SNTB1: variants seen among roughly 807,000 people sequenced by gnomAD.
SNTB1 encodes beta-1-syntrophin.
Under a neutral mutation model 48.9 loss-of-function variants are expected in SNTB1, and 36 were observed. The observed-to-expected ratio is 0.74, with a 90% CI of 0.56 to 0.97. SNTB1 has a LOEUF of 0.97. SNTB1 is among the 50% of genes least tolerant of loss of function. The probability of loss-of-function intolerance (pLI) is 0.00; values close to 1 mark genes in which losing one functional copy is unlikely to be tolerated. For synonymous variants in SNTB1, 299 were observed against 294.6 expected (o/e 1.01, Z -0.15); for missense variants, 786 against 703.4 (o/e 1.12, Z -1.33).
intron 2 of SNTB1, chr8:120,635,964 C>A (rs1214930998): frequency 8.9e-6 from 5 of 563,742 alleles, no homozygotes; most frequent in Non-Finnish European, 1.5e-5. Flanking sequence ...TCAGATATGC[C>A]CTCTCCTTTA....
chr8:120,587,695 C>T (rs538094426), intron 3 of SNTB1, among the ~76,000 whole-genome samples: 1 of 152,300 alleles, frequency 6.6e-6, no homozygotes, highest in South Asian at 2.1e-4. Context: ...GATCTATGTG[C>T]TCTCTCACGG....
chr8:120,667,795 G>A (rs1295323842), intron 2 of SNTB1, among the ~76,000 whole-genome samples: 1 of 152,034 alleles, frequency 6.6e-6, no homozygotes, highest in African/African-American at 2.4e-5. Flanking sequence ...GTCTTTTCAG[G>A]TATTGCTATT....
intron 1 of SNTB1, among the ~76,000 whole-genome samples, chr8:120,732,448 G>A (rs1051228685): frequency 4.6e-5 from 7 of 152,194 alleles, no homozygotes; most frequent in Non-Finnish European, 1.0e-4. Flanking sequence ...AGCATGAAAA[G>A]TTTCCTTTCT....
chr8:120,621,424 A>G (rs111716334), intron 3 of SNTB1, among the ~76,000 whole-genome samples: 9 of 152,308 alleles, frequency 5.9e-5, no homozygotes, highest in African/African-American at 2.2e-4. Context: ...CTGTTTGTAT[A>G]CAGAGCAGAG....
At chr8:120,811,160 C>T (rs560464240) in intron 1 of SNTB1, 113 bp downstream of exon 1, 3 of 1,375,228 alleles carry the variant, frequency 2.2e-6, no homozygotes, top group Non-Finnish European at 2.9e-6. Context: ...ACACACCCGG[C>T]CCCCTGGGGT....
At chr8:120,549,382 CT>C (rs1472260803) in intron 4 of SNTB1, among the ~76,000 whole-genome samples, 1 of 152,162 alleles carries the variant, frequency 6.6e-6, no homozygotes, top group African/African-American at 2.4e-5. Context: ...GTTTGAACAT[CT>C]GGCTGCATTG....
intron 4 of SNTB1, among the ~76,000 whole-genome samples, chr8:120,566,993 C>G (rs1815760397): frequency 6.6e-6 from 1 of 152,208 alleles, no homozygotes; most frequent in Non-Finnish European, 1.5e-5. Context: ...GAAATAAGGA[C>G]ATGCTCTTAG....
At chr8:120,655,348 T>C (rs1817483129) in intron 2 of SNTB1, among the ~76,000 whole-genome samples, 1 of 152,186 alleles carries the variant, frequency 6.6e-6, no homozygotes, top group Non-Finnish European at 1.5e-5. Context: ...GGTAAAAAGA[T>C]TGGTAGTAAT....
intron 2 of SNTB1, among the ~76,000 whole-genome samples, chr8:120,678,827 C>T (rs988410528): frequency 6.6e-6 from 1 of 152,042 alleles, no homozygotes; most frequent in African/African-American, 2.4e-5. Context: ...TTGCTCTGTG[C>T]TCCAAGAGGT....
chr8:120,678,308 G>A (rs1817872604), intron 2 of SNTB1, among the ~76,000 whole-genome samples: 1 of 152,046 alleles, frequency 6.6e-6, no homozygotes. Flanking sequence ...GCTTGGCATT[G>A]TGACAACATT....
chr8:120,579,214 A>AAGCG (rs1554645850), intron 3 of SNTB1, among the ~76,000 whole-genome samples: 1 of 150,790 alleles, frequency 6.6e-6, no homozygotes, highest in African/African-American at 2.4e-5. Context: ...ACAAACAAAC[A>AAGCG]AAGAGCAAAC....
chr8:120,694,130 A>G (rs1468265206), intron 1 of SNTB1, among the ~76,000 whole-genome samples: 1 of 152,208 alleles, frequency 6.6e-6, no homozygotes, highest in African/African-American at 2.4e-5. Flanking sequence ...GATGTCCTAC[A>G]GTTGAGAATT....
Position 120,540,053 on chromosome 8 carries a change from A to G in SNTB1, c.1525-1084T>C, listed in dbSNP as rs191765416. Reference sequence around the variant, plus strand: ...ATTCTATGTCACTAACACAGAAGGAAACTTTTGAAAAAGGGACATTAAAGA... The same window carrying G: ...ATTCTATGTCACTAACACAGAAGGAGACTTTTGAAAAAGGGACATTAAAGA... On this transcript the variant is annotated intron_variant, in intron 6 of 6. Transcript: ENST00000517992. Among the ~76,000 whole-genome samples, 3 of 152,340 alleles carry G rather than the reference A, an allele frequency of 2.0e-5. No individual in the cohort carries two copies. In the East Asian group the frequency reaches 5.8e-4, roughly 29 times the overall value.
At chr8:120,751,580 C>T (rs1321485178) in intron 1 of SNTB1, among the ~76,000 whole-genome samples, 1 of 152,018 alleles carries the variant, frequency 6.6e-6, no homozygotes, top group Non-Finnish European at 1.5e-5. Context: ...ACAACTGGCC[C>T]CCAATTTTTC....
intron 3 of SNTB1, among the ~76,000 whole-genome samples, chr8:120,592,661 A>C (rs1816261142): frequency 6.6e-6 from 1 of 152,154 alleles, no homozygotes; most frequent in Non-Finnish European, 1.5e-5. Flanking sequence ...CCTCAGATGG[A>C]GCTTTTAGGC....
intron 1 of SNTB1, among the ~76,000 whole-genome samples, chr8:120,719,656 T>TC (rs1183492990): frequency 6.6e-6 from 1 of 152,034 alleles, no homozygotes; most frequent in African/African-American, 2.4e-5. Flanking sequence ...TAGTTTGGCT[T>TC]CCCCCAAAAG....
chr8:120,683,302 G>A (rs1052056527), intron 2 of SNTB1, among the ~76,000 whole-genome samples: 2 of 152,166 alleles, frequency 1.3e-5, no homozygotes, highest in Admixed American at 1.3e-4. Flanking sequence ...TTCCACTGCT[G>A]TGTTTCAGGA....
At chr8:120,787,852 A>T (rs1185891661) in intron 1 of SNTB1, among the ~76,000 whole-genome samples, 1 of 152,182 alleles carries the variant, frequency 6.6e-6, no homozygotes, top group African/African-American at 2.4e-5. Context: ...AGAGATTTAG[A>T]CATCCAAATA....
At chr8:120,773,890 C>T (rs1450654348) in intron 1 of SNTB1, among the ~76,000 whole-genome samples, 1 of 152,200 alleles carries the variant, frequency 6.6e-6, no homozygotes, top group Admixed American at 6.5e-5. Flanking sequence ...GGATTCAGGG[C>T]TATAGACTTT....
Sources: gnomAD v4.1 joint callset for allele counts (sites outside exome capture counted in the v4.1 genomes callset) on GRCh38, gnomAD v4.1.1 for gene constraint, MANE v1.5 for transcripts, NCBI Gene and HGNC (gene_info 2026-07-23, HGNC 2026-07-21) for gene names.